The following TSGA10 variants were observed in gnomAD, a reference collection of about 807,000 sequenced individuals.
The protein encoded by TSGA10 is testis specific 10.
TSGA10 carries 43 observed loss-of-function variants against 96.6 expected under a neutral mutation model. The ratio of observed to expected loss-of-function variants is 0.44; its 90% CI spans 0.35 to 0.57. The LOEUF (loss-of-function observed/expected upper bound fraction) is 0.57. TSGA10 is among the 20% of genes least tolerant of loss of function. TSGA10 has a pLI of 0.01. For synonymous variants in TSGA10, 229 were observed against 269.9 expected (o/e 0.85, Z 1.48); for missense variants, 703 against 834.4 (o/e 0.84, Z 1.94).
At chr2:99,051,708 T>C (rs2083409048) in intron 16 of TSGA10, among the ~76,000 whole-genome samples, 1 of 151,958 alleles carries the variant, frequency 6.6e-6, no homozygotes, top group Admixed American at 6.6e-5. Flanking sequence ...AAACATTCTC[T>C]AGAATAGACA....
intron 16 of TSGA10, among the ~76,000 whole-genome samples, chr2:99,045,680 G>A (rs181947939): frequency 0.011 from 1,633 of 152,198 alleles, 9 homozygotes; most frequent in Middle Eastern, 0.027. Context: ...ATCAACTAAC[G>A]AGCAAAATAA....
chr2:99,135,946 T>A (rs1029564690), intron 1 of TSGA10, among the ~76,000 whole-genome samples: 9 of 145,380 alleles, frequency 6.2e-5, no homozygotes, highest in African/African-American at 2.3e-4. Flanking sequence ...GAGGTGGAGG[T>A]TGCAGTGAGC....
chr2:99,031,898 G>C (rs760919726), intron 17 of TSGA10, among the ~76,000 whole-genome samples: 1 of 152,180 alleles, frequency 6.6e-6, no homozygotes, highest in Non-Finnish European at 1.5e-5. Context: ...AGGTGGAGCT[G>C]AGGCACTGAT....
intron 14 of TSGA10, among the ~76,000 whole-genome samples, chr2:99,070,115 G>T (rs1393279149): frequency 6.6e-6 from 1 of 152,122 alleles, no homozygotes; most frequent in Non-Finnish European, 1.5e-5. Flanking sequence ...TATGTAAATT[G>T]TTATGACAAC....
At chr2:99,141,464 G>C (rs888837618) in intron 1 of TSGA10, 1 of 166,754 alleles carries the variant, frequency 6.0e-6, no homozygotes, top group Admixed American at 6.4e-5. Flanking sequence ...TCTACAAGCC[G>C]TGCGCGCGCT....
chr2:99,074,937 G>A (rs1412447506), intron 12 of TSGA10, among the ~76,000 whole-genome samples: 2 of 149,812 alleles, frequency 1.3e-5, no homozygotes, highest in African/African-American at 2.5e-5. Flanking sequence ...CAACCTGGGT[G>A]ACAGAGACTC....
intron 20 of TSGA10, among the ~76,000 whole-genome samples, chr2:99,005,093 C>T (rs184689443): frequency 6.8e-4 from 103 of 152,274 alleles, no homozygotes; most frequent in African/African-American, 2.4e-3. Context: ...AATTCAACAA[C>T]GCTTCATGCT....
chr2:99,143,067 TA>T (rs2093589211), intron 1 of TSGA10, among the ~76,000 whole-genome samples: 1 of 150,342 alleles, frequency 6.7e-6, no homozygotes, highest in Non-Finnish European at 1.5e-5. Flanking sequence ...CCTGAGAAAG[TA>T]AAAATTTCCT....
At chr2:99,113,428 G>T (rs1465345149) in intron 4 of TSGA10, among the ~76,000 whole-genome samples, 1 of 152,140 alleles carries the variant, frequency 6.6e-6, no homozygotes, top group Non-Finnish European at 1.5e-5. Context: ...AGCAACCCTA[G>T]AGAGAGGTCC....
At chr2:99,087,669 C>T (rs540818249) in intron 10 of TSGA10, among the ~76,000 whole-genome samples, 5 of 151,990 alleles carry the variant, frequency 3.3e-5, no homozygotes, top group East Asian at 1.9e-4. Context: ...GCCTGAGTGA[C>T]GGAATAAGAC....
intron 1 of TSGA10, among the ~76,000 whole-genome samples, chr2:99,145,921 C>T (rs2093627292): frequency 6.6e-6 from 1 of 151,988 alleles, no homozygotes; most frequent in African/African-American, 2.4e-5. Context: ...TGCTTGAGTA[C>T]AGGCATTCGA....
At chr2:99,087,421 G>A (rs531278489) in intron 10 of TSGA10, among the ~76,000 whole-genome samples, 97 of 152,102 alleles carry the variant, frequency 6.4e-4, no homozygotes, top group African/African-American at 2.0e-3. Flanking sequence ...CAGGAGAATC[G>A]TTTGAACCCG....
chr2:99,093,742 G>A (rs1048917229), intron 10 of TSGA10, among the ~76,000 whole-genome samples: 3 of 152,002 alleles, frequency 2.0e-5, no homozygotes, highest in African/African-American at 7.2e-5. Context: ...ACTGCTGAAA[G>A]ACATCACAGA....
At chr2:99,106,846 T>C (rs1422548767) in intron 7 of TSGA10, among the ~76,000 whole-genome samples, 1 of 152,154 alleles carries the variant, frequency 6.6e-6, no homozygotes, top group Non-Finnish European at 1.5e-5. Context: ...TCTTGAATAT[T>C]ATAACTTAAC....
intron 16 of TSGA10, among the ~76,000 whole-genome samples, chr2:99,063,430 G>C (rs980805517): frequency 2.6e-5 from 4 of 152,066 alleles, no homozygotes; most frequent in African/African-American, 9.7e-5. Flanking sequence ...AAGGTGAAAA[G>C]ACAAGCCACA....
Position 99,127,273 on chromosome 2 carries a change from A to G in TSGA10, c.-620-97T>C, listed in dbSNP as rs144014655. On this transcript the variant is annotated intron_variant, in intron 1 of 20. Transcript: ENST00000393483. The stretch of plus-strand genomic sequence containing the variant: ...CATTTTGAAAATTGATAATATTCTT[A>G]GATTTTTTTTAACCATTTCCCACCA... 1,490 of 1,018,406 alleles carry G rather than the reference A, an allele frequency of 1.5e-3. 18 individuals are homozygous for G. In the African/African-American group the frequency reaches 0.024, roughly 17 times the overall value. 63.1% of individuals were successfully genotyped at this position (1,018,406 alleles called of 1,614,324 possible).
chr2:99,095,659 T>A (rs2089956862), intron 10 of TSGA10, among the ~76,000 whole-genome samples: 1 of 152,130 alleles, frequency 6.6e-6, no homozygotes, highest in Non-Finnish European at 1.5e-5. Context: ...ATACAAAAGA[T>A]CAGACAGAGT....
intron 1 of TSGA10, among the ~76,000 whole-genome samples, chr2:99,145,575 A>G (rs76530839): frequency 6.6e-6 from 1 of 151,072 alleles, no homozygotes; most frequent in Non-Finnish European, 1.5e-5. Flanking sequence ...AAAAAAAAAA[A>G]GACCCTTGTG....
chr2:99,103,609 T>C (rs905306124), intron 10 of TSGA10, among the ~76,000 whole-genome samples: 1 of 152,260 alleles, frequency 6.6e-6, no homozygotes, highest in Non-Finnish European at 1.5e-5. Context: ...TGCTTTGTGT[T>C]TTCTTATACT....
Sources: allele counts gnomAD v4.1 joint callset (sites outside exome capture counted in the v4.1 genomes callset), GRCh38; gene constraint gnomAD v4.1.1; transcripts MANE v1.5; gene names NCBI Gene and HGNC (gene_info 2026-07-23, HGNC 2026-07-21).